ARHGAP23: variants seen among roughly 807,000 people sequenced by gnomAD.
ARHGAP23 encodes the protein Rho GTPase activating protein 23, also known as rho GTPase-activating protein 23.
Under a neutral mutation model 136.3 loss-of-function variants are expected in ARHGAP23, and 34 were observed. That is an observed-to-expected ratio of 0.25 (90% confidence interval 0.19 to 0.33). The LOEUF (loss-of-function observed/expected upper bound fraction) is 0.33. Among genes scored for constraint, ARHGAP23 ranks in the 10% least tolerant of loss-of-function variants. The pLI is 1.00. For synonymous variants in ARHGAP23, 832 were observed against 920.5 expected (o/e 0.90, Z 1.74); for missense variants, 1,808 against 2,139.0 (o/e 0.85, Z 3.05).
chr17:38,449,408 A>C (rs1202807890), intron 1 of ARHGAP23, among the ~76,000 whole-genome samples: 1 of 152,166 alleles, frequency 6.6e-6, no homozygotes, highest in Non-Finnish European at 1.5e-5. Flanking sequence ...GTGTACATGG[A>C]GGGCGCTGCG....
At chr17:38,493,162 G>GC (rs1489869902) in intron 20 of ARHGAP23, among the ~76,000 whole-genome samples, 151,022 of 151,962 alleles carry the variant, frequency 0.99, 75,061 homozygotes, top group Middle Eastern at 1. Flanking sequence ...GTCAGGCTGG[G>GC]TTTTCTTTCT....
At position 38,439,111 on chromosome 17, in the gene ARHGAP23, A is replaced by G. The variant is rs2038865810; in HGVS notation, c.63+10563A>G. ...AGAATCACTTGAACCCGGGAGGTGG[A>G]GGTTGCAGTGAGCCGAGATCGCACC... is the stretch of plus-strand genomic sequence containing the variant. On this transcript the variant is annotated intron_variant, in intron 1 of 23. Coordinates refer to ENST00000622683, the MANE Select transcript of ARHGAP23 (RefSeq NM_001199417.2). 2.0e-5 allele frequency among the ~76,000 whole-genome samples: 3 copies of G among 151,186 alleles called. No homozygotes were observed. In the South Asian group the frequency reaches 6.3e-4, roughly 32 times the overall value.
At position 38,467,026 on chromosome 17, in the gene ARHGAP23, C is replaced by T. The variant is rs1365861850; in HGVS notation, c.1343C>T (p.Thr448Ile). Residue 448 changes from threonine to isoleucine, a missense_variant, in exon 7 of 24, where the codon ACC (threonine) becomes ATC (isoleucine). By Grantham distance (89) the Thr-to-Ile change is moderately conservative. Transcript: ENST00000622683. ...FRDSPFGGLP[T>I]FNLAQSPASF... is the part of the protein sequence containing the mutation. ...GACTCACCCTTTGGGGGGCTGCCTA[C>T]CTTCAACCTGGCCCAGTCCCCTGCG... The T allele has an allele frequency of 6.4e-7, 1 of 1,550,906 alleles. No individual in the cohort carries two copies. The highest frequency in any genetic ancestry group is 8.7e-7 in the Non-Finnish European group (1 of 1,146,978).
At chr17:38,473,849 G>C (rs1048741999) in intron 11 of ARHGAP23, among the ~76,000 whole-genome samples, 1 of 152,170 alleles carries the variant, frequency 6.6e-6, no homozygotes, top group African/African-American at 2.4e-5. Flanking sequence ...ATGAGCTGGG[G>C]AATTGGGTGC....
chr17:38,467,353 T>A (rs1335236959), intron 7 of ARHGAP23, 22 bp downstream of exon 7: 1 of 1,457,776 alleles, frequency 6.9e-7, no homozygotes, highest in Non-Finnish European at 9.1e-7. Context: ...TACATGTGGC[T>A]GTCCTGGGGG....
chr17:38,510,819 C>T lies in ARHGAP23; in HGVS notation c.4323C>T (p.Asp1441=). 1 of 1,508,762 alleles carries T rather than the reference C, an allele frequency of 6.6e-7. No homozygotes were observed. The highest frequency in any genetic ancestry group is 8.8e-7 in the Non-Finnish European group (1 of 1,132,674). The allele number at this position is 1,508,762 out of a possible 1,614,324, so 93.5% of individuals were successfully genotyped here. A position where few individuals can be genotyped will look rare whatever the true frequency, so the allele number is the denominator to read the frequency against. The change falls in exon 24 of 24, where the codon GAC becomes GAT. Residue 1441 remains aspartate (D), a synonymous_variant. Transcript: ENST00000622683. The surrounding 1 kb of genome is among the most constrained non-coding windows in gnomAD (Gnocchi z 4.6). ...PEPAGARAHS[D]NKDSGLSSLE... ...CTGCGGGCGCGCGGGCGCACAGTGA[C>T]AACAAGGACTCCGGACTCAGCAGCC...
At chr17:38,457,623 C>T (rs754162820) in intron 1 of ARHGAP23, 3 of 179,620 alleles carry the variant, frequency 1.7e-5, no homozygotes, top group Non-Finnish European at 3.5e-5. Flanking sequence ...TGGTATGTTC[C>T]GTCTACATGA....
intron 6 of ARHGAP23, among the ~76,000 whole-genome samples, chr17:38,464,117 A>G (rs924937467): frequency 2.6e-5 from 4 of 152,138 alleles, no homozygotes; most frequent in Non-Finnish European, 5.9e-5. Context: ...ATGCTCGCAA[A>G]CACCGCGGCA....
At chr17:38,492,627 G>A (rs2144760144) in intron 20 of ARHGAP23, among the ~76,000 whole-genome samples, 1 of 152,356 alleles carries the variant, frequency 6.6e-6, no homozygotes, top group South Asian at 2.1e-4. Context: ...GAGGGGGCCA[G>A]GGTAAGGAGG....
rs754194197 is a variant in ARHGAP23 at position 38,477,673 on chromosome 17, C to G, written c.2213C>G (p.Pro738Arg). Reference protein sequence around the residue: ...SLSKERREPGPAAAGAAAAGA... With the variant: ...SLSKERREPGRAAAGAAAAGA... ...AGCAAGGAGCGGCGGGAGCCCGGGC[C>G]GGCGGCGGCGGGGGCTGCGGCGGCC... The change falls in exon 12 of 24, where the codon CCG becomes CGG. Residue 738 changes from proline to arginine, a missense_variant. This residue lies in a region of ARHGAP23 where 139 missense variants were observed against 264.3 expected (regional missense o/e 0.53). Transcript: ENST00000622683. This position sits in a 1 kb window ranked among gnomAD's most constrained non-coding sequence, Gnocchi z 6.6. 13 of 1,295,332 alleles carry G rather than the reference C, an allele frequency of 1.0e-5. No individual in the cohort carries two copies. 80.2% of individuals were successfully genotyped at this position (1,295,332 alleles called of 1,614,324 possible).
rs78787452 is a variant in ARHGAP23, at chr17:38,441,946, C to T, written c.63+13398C>T. 3.2e-3 allele frequency among the ~76,000 whole-genome samples: 490 copies of T among 151,862 alleles called. 2 individuals are homozygous for T. Among genetic ancestry groups the T allele is most frequent in the African/African-American group, 0.011 (473 of 41,346 alleles). On this transcript the variant is annotated intron_variant, in intron 1 of 23. Transcript: ENST00000622683. The stretch of plus-strand genomic sequence containing the variant: ...TTGAAGCAGCTCCCCCCTTTTTCCC[C>T]ACCCCTTTCTCCCCCACTCCTTTTT...
intron 20 of ARHGAP23, among the ~76,000 whole-genome samples, chr17:38,496,288 C>G (rs2144774723): frequency 6.9e-6 from 1 of 144,286 alleles, no homozygotes; most frequent in South Asian, 2.3e-4. Context: ...GTGGCTCATG[C>G]TTGTAATCCC....
chr17:38,498,409 C>T lies in ARHGAP23; in HGVS notation c.3319-5C>T, dbSNP rs778670409. On this transcript the variant is annotated splice_region_variant and splice_polypyrimidine_tract_variant and intron_variant, in intron 21 of 23. Coordinates refer to ENST00000622683, the MANE Select transcript of ARHGAP23 (RefSeq NM_001199417.2). ...ATGCCAGCTGACCCCTCCTCCTGTT[C>T]GCAGACCCCTGTGGGCGACAAGGAG... 33 of 1,544,898 alleles carry T rather than the reference C, an allele frequency of 2.1e-5. No homozygotes were observed. Among genetic ancestry groups the T allele is most frequent in the Admixed American group, 4.0e-5 (2 of 50,556 alleles).
At chr17:38,452,730 A>C (rs966863133) in intron 1 of ARHGAP23, among the ~76,000 whole-genome samples, 2 of 152,210 alleles carry the variant, frequency 1.3e-5, no homozygotes, top group African/African-American at 4.8e-5. Context: ...TTACACATCC[A>C]CTAGCCAAGG....
At position 38,510,903 on chromosome 17, in the gene ARHGAP23, G is replaced by A. The variant is rs1413366789; in HGVS notation, c.4407G>A (p.Gly1469=). The change falls in exon 24 of 24, where the codon GGG becomes GGA. Residue 1469 remains glycine (G), a synonymous_variant. Transcript: ENST00000622683. This position sits in a 1 kb window ranked among gnomAD's most constrained non-coding sequence, Gnocchi z 4.6. ...CTGCCTCGCAGCCGCCCGCGCCCGG[G>A]GACACGGGGTCCCTGCAGAGCCAGC... The part of the protein sequence containing the change: ...SSAASQPPAP[G]DTGSLQSQPP... The A allele has an allele frequency of 4.7e-6, 7 of 1,490,588 alleles. No homozygotes were observed. Among genetic ancestry groups the A allele is most frequent in the Admixed American group, 4.5e-5 (2 of 44,094 alleles). The allele number at this position is 1,490,588 out of a possible 1,614,324, so 92.3% of individuals were successfully genotyped here. A position where few individuals can be genotyped will look rare whatever the true frequency, so the allele number is the denominator to read the frequency against.
intron 3 of ARHGAP23, among the ~76,000 whole-genome samples, chr17:38,461,523 G>A (rs967009226): frequency 2.5e-4 from 38 of 152,312 alleles, no homozygotes; most frequent in African/African-American, 8.9e-4. Flanking sequence ...TGGGGCTTTC[G>A]CTGGGCAGCC....
chr17:38,456,884 C>T (rs1350806227), intron 1 of ARHGAP23, among the ~76,000 whole-genome samples: 3 of 152,142 alleles, frequency 2.0e-5, no homozygotes, highest in African/African-American at 7.2e-5. Context: ...GGAGGTCTGA[C>T]AGGAGGCTTT....
At position 38,510,863 on chromosome 17, in the gene ARHGAP23, G is replaced by C; in HGVS notation, c.4367G>C (p.Arg1456Pro). Residue 1456 changes from arginine to proline, a missense_variant, in exon 24 of 24, where the codon CGG becomes CCG. Coordinates refer to ENST00000622683, the MANE Select transcript of ARHGAP23 (RefSeq NM_001199417.2). The surrounding 1 kb of genome is among the most constrained non-coding windows in gnomAD (Gnocchi z 4.6). ...GLSSLESTKA[R>P]APSSAASQPP... ...AGCAGCCTGGAGTCCACCAAGGCGC[G>C]GGCCCCGTCGTCCGCTGCCTCGCAG... 2.0e-6 allele frequency: 3 copies of C among 1,500,870 alleles called. No homozygotes were observed. Among genetic ancestry groups the C allele is most frequent in the Non-Finnish European group, 2.7e-6 (3 of 1,132,062 alleles). 93.0% of individuals were successfully genotyped at this position (1,500,870 alleles called of 1,614,324 possible).
intron 23 of ARHGAP23, among the ~76,000 whole-genome samples, chr17:38,501,509 G>C (rs1400324796): frequency 6.6e-6 from 1 of 151,806 alleles, no homozygotes; most frequent in African/African-American, 2.4e-5. Context: ...CACCAGGTTA[G>C]CCAGGATGGT....
Sources: gnomAD v4.1 joint callset for allele counts (sites outside exome capture counted in the v4.1 genomes callset) on GRCh38, gnomAD v4.1.1 for gene constraint, gnomAD v4.1.1 regional missense constraint, Gnocchi (gnomAD v3.1) non-coding constraint, MANE v1.5 for transcripts, NCBI Gene and HGNC (gene_info 2026-07-23, HGNC 2026-07-21) for gene names.